Variants in BMPR1A observed in about 807,000 individuals in gnomAD.
BMPR1A encodes the protein bone morphogenetic protein receptor type 1A, also known as bone morphogenetic protein receptor type-1A.
In BMPR1A, 7 loss-of-function variants were observed where a neutral mutation model predicts 66.0. The ratio of observed to expected loss-of-function variants is 0.11; its 90% confidence interval spans 0.06 to 0.20. BMPR1A has a LOEUF of 0.20. Among genes scored for constraint, BMPR1A ranks in the 10% least tolerant of loss-of-function variants. The pLI is 1.00. For missense variants in BMPR1A, 408 were observed against 669.1 expected, an observed-to-expected ratio of 0.61 and a Z score of 4.31; for synonymous variants, 200 against 229.7, an observed-to-expected ratio of 0.87 and a Z score of 1.17.
chr10:86,772,944 G>GT (rs1841287109), intron 1 of BMPR1A, among the ~76,000 whole-genome samples: 1 of 152,064 alleles, frequency 6.6e-6, no homozygotes, highest in Non-Finnish European at 1.5e-5. Context: ...TATATATACT[G>GT]TAAGTTTAAA....
At chr10:86,806,246 T>G (rs1206715146) in intron 1 of BMPR1A, among the ~76,000 whole-genome samples, 4 of 152,182 alleles carry the variant, frequency 2.6e-5, no homozygotes, top group African/African-American at 9.7e-5. Flanking sequence ...TCAAGGTGTT[T>G]TCCAGTTTCT....
At position 86,923,680 on chromosome 10, in the gene BMPR1A, G is replaced by A. The variant is rs142775086; in HGVS notation, c.1560G>A (p.Thr520=). The A allele has an allele frequency of 2.2e-4, 348 of 1,614,130 alleles. 1 individual carries two copies. In the African/African-American group the frequency reaches 4.0e-3, roughly 19 times the overall value. ...SRLTALRIKK[T]LAKMVESQDV... ...TCACAGCATTGAGAATTAAGAAGAC[G>A]CTTGCCAAGATGGTTGAATCCCAAG... Residue 520 remains threonine, a synonymous_variant, in exon 13 of 13, where the codon ACG becomes ACA. Coordinates refer to ENST00000372037, the MANE Select transcript of BMPR1A (RefSeq NM_004329.3).
chr10:86,855,282 T>TG (rs1448146377), intron 2 of BMPR1A: 2 of 1,076,728 alleles, frequency 1.9e-6, no homozygotes, highest in Admixed American at 5.8e-5. Flanking sequence ...AAACCTCAGT[T>TG]TCTTCTGTCT....
chr10:86,826,543 C>G (rs1361694153), intron 1 of BMPR1A, among the ~76,000 whole-genome samples: 3 of 152,058 alleles, frequency 2.0e-5, no homozygotes, highest in Non-Finnish European at 2.9e-5. Context: ...GAAATCTCAT[C>G]ATATTTTTCC....
intron 1 of BMPR1A, among the ~76,000 whole-genome samples, chr10:86,833,693 G>T (rs1485192178): frequency 6.6e-6 from 1 of 152,148 alleles, no homozygotes; most frequent in Non-Finnish European, 1.5e-5. Context: ...TTAATAGAGT[G>T]TTTGGAAACA....
chr10:86,766,535 C>T (rs1351777046), intron 1 of BMPR1A, among the ~76,000 whole-genome samples: 1 of 151,980 alleles, frequency 6.6e-6, no homozygotes, highest in Non-Finnish European at 1.5e-5. Context: ...TGCCAAGCCA[C>T]CCTGCAAAAT....
In BMPR1A at chr10:86,763,999, G is replaced by A. The variant is rs367874100; in HGVS notation, c.-268+7080G>A. On this transcript the variant is annotated intron_variant, in intron 1 of 12. Transcript: ENST00000372037. ...GTAGAGACAGGGTTTCACCGTGTTAGCCAGGATGGTCTCAATCTCCTGACC... is the reference window on the plus strand; with the variant it reads ...GTAGAGACAGGGTTTCACCGTGTTAACCAGGATGGTCTCAATCTCCTGACC... 2.8e-4 allele frequency among the ~76,000 whole-genome samples: 42 copies of A among 152,168 alleles called. No individual in the cohort carries two copies. In the South Asian group the frequency reaches 7.7e-3, roughly 28 times the overall value.
chr10:86,864,725 C>G (rs1471072426), intron 2 of BMPR1A, among the ~76,000 whole-genome samples: 1 of 152,200 alleles, frequency 6.6e-6, no homozygotes, highest in Non-Finnish European at 1.5e-5. Context: ...TCTCCCAATT[C>G]TGTCCTTTAA....
intron 1 of BMPR1A, among the ~76,000 whole-genome samples, chr10:86,837,247 C>CTGTGTGTGTG (rs71019433): frequency 4.3e-4 from 59 of 138,212 alleles, no homozygotes; most frequent in African/African-American, 8.2e-4. Context: ...GTGTGTGTGT[C>CTGTGTGTGTG]TGTGTGTGTG....
intron 4 of BMPR1A, among the ~76,000 whole-genome samples, chr10:86,891,197 A>G (rs1011304292): frequency 1.3e-5 from 2 of 152,104 alleles, no homozygotes; most frequent in African/African-American, 4.8e-5. Context: ...GACTGTGACT[A>G]GTTGTTCATT....
At chr10:86,766,008 G>A (rs1841156530) in intron 1 of BMPR1A, among the ~76,000 whole-genome samples, 1 of 89,876 alleles carries the variant, frequency 1.1e-5, no homozygotes, top group Non-Finnish European at 2.7e-5. Context: ...TTTTTTGAGG[G>A]AAGGTCTTGT....
At chr10:86,916,440 A>G (rs1291342728) in intron 8 of BMPR1A, among the ~76,000 whole-genome samples, 1 of 152,210 alleles carries the variant, frequency 6.6e-6, no homozygotes, top group Admixed American at 6.5e-5. Context: ...TTTTTTGGTC[A>G]CAGGGTTCCC....
intron 8 of BMPR1A, among the ~76,000 whole-genome samples, chr10:86,912,664 T>C (rs930923377): frequency 1.3e-5 from 2 of 152,218 alleles, no homozygotes; most frequent in African/African-American, 4.8e-5. Context: ...CGAAGTCCTA[T>C]ATGAAAGGCA....
At chr10:86,922,033 T>C (rs1843672243) in intron 11 of BMPR1A, among the ~76,000 whole-genome samples, 1 of 150,204 alleles carries the variant, frequency 6.7e-6, no homozygotes, top group South Asian at 2.1e-4. Flanking sequence ...TTGTCTCTAC[T>C]TATTAAACAT....
chr10:86,912,396 G>T lies in BMPR1A; in HGVS notation c.675+12G>T. 1 of 1,613,642 alleles carries T rather than the reference G, an allele frequency of 6.2e-7. No individual in the cohort carries two copies. The highest frequency in any genetic ancestry group is 8.5e-7 in the Non-Finnish European group (1 of 1,179,784). ...GACTACCTTTATTGGTAAGTTAAACGTTCCTATAGACATGAATGGTGTGTT... is the reference window on the plus strand; with the variant it reads ...GACTACCTTTATTGGTAAGTTAAACTTTCCTATAGACATGAATGGTGTGTT... On this transcript the variant is annotated intron_variant, in intron 8 of 12. Coordinates refer to ENST00000372037, the MANE Select transcript of BMPR1A (RefSeq NM_004329.3).
intron 2 of BMPR1A, among the ~76,000 whole-genome samples, chr10:86,865,502 C>A (rs1842774037): frequency 6.6e-6 from 1 of 152,158 alleles, no homozygotes. Context: ...CCTTCGCTGA[C>A]TCTCTTTTAG....
intron 2 of BMPR1A, among the ~76,000 whole-genome samples, chr10:86,866,196 C>T (rs1842782354): frequency 6.7e-6 from 1 of 149,844 alleles, no homozygotes. Flanking sequence ...CATCAGAAAG[C>T]AGAATCTATA....
intron 1 of BMPR1A, among the ~76,000 whole-genome samples, chr10:86,805,400 A>G (rs1402607505): frequency 2.7e-5 from 4 of 149,766 alleles, no homozygotes; most frequent in Non-Finnish European, 5.9e-5. Flanking sequence ...ACACACACAC[A>G]CACACTTTTA....
chr10:86,888,684 G>C (rs949474548), intron 3 of BMPR1A, among the ~76,000 whole-genome samples: 1 of 151,756 alleles, frequency 6.6e-6, no homozygotes. Context: ...AAAATTAGCC[G>C]GGCATGGTGG....
Sources: allele counts gnomAD v4.1 joint callset (sites outside exome capture counted in the v4.1 genomes callset), GRCh38; gene constraint gnomAD v4.1.1; transcripts MANE v1.5; gene names NCBI Gene and HGNC (gene_info 2026-07-23, HGNC 2026-07-21).